DRC1: variants seen among roughly 807,000 people sequenced by gnomAD.
DRC1 encodes dynein regulatory complex subunit 1.
Under a neutral mutation model 98.7 loss-of-function variants are expected in DRC1, and 74 were observed. The observed-to-expected ratio is 0.75, with a 90% CI of 0.62 to 0.91. The LOEUF (loss-of-function observed/expected upper bound fraction) is 0.91, where lower values mean the gene tolerates loss of function less well. DRC1 is among the 40% of genes least tolerant of loss of function. DRC1 has a pLI of 0.00. For missense variants in DRC1, 875 were observed against 886.0 expected, an observed-to-expected ratio of 0.99 and a Z score of 0.16; for synonymous variants, 336 against 334.1, an observed-to-expected ratio of 1.01 and a Z score of -0.06.
chr2:26,445,303 A>G (rs969236993), intron 10 of DRC1, among the ~76,000 whole-genome samples: 1 of 152,184 alleles, frequency 6.6e-6, no homozygotes, highest in Non-Finnish European at 1.5e-5. Flanking sequence ...CAAAATGGTG[A>G]TATGTTAGAT....
chr2:26,455,871 C>G (rs1664148404), intron 16 of DRC1, among the ~76,000 whole-genome samples: 1 of 152,240 alleles, frequency 6.6e-6, no homozygotes. Flanking sequence ...ATTTCCTGCT[C>G]TGCGGGTGTG....
chr2:26,444,117 C>T, intron 8 of DRC1, 105 bp from the exon 9 acceptor site: 2 of 1,512,412 alleles, frequency 1.3e-6, no homozygotes, highest in Admixed American at 4.2e-5. Flanking sequence ...TGCTCTTCCA[C>T]AGATCTGCTC....
chr2:26,426,337 T>C (rs928049401), intron 4 of DRC1, among the ~76,000 whole-genome samples: 4 of 152,070 alleles, frequency 2.6e-5, no homozygotes, highest in Non-Finnish European at 5.9e-5. Flanking sequence ...CATTCTTTAA[T>C]TCCTGTTGCT....
At position 26,446,545 on chromosome 2, in the gene DRC1, A is replaced by G. The variant is rs572110414; in HGVS notation, c.1396+1597A>G. Among the ~76,000 whole-genome samples the G allele has an allele frequency of 2.6e-5, 4 of 152,228 alleles. No homozygotes were observed. The South Asian group carries it at 8.3e-4, about 32-fold the overall frequency. ...GAGTTCATTCTAATACCTCCTCATC[A>G]ACAGGATGCCAGGATTTTTATTTAA... On this transcript the variant is annotated intron_variant, in intron 10 of 16. Transcript: ENST00000288710.
intron 1 of DRC1, among the ~76,000 whole-genome samples, chr2:26,402,532 T>C (rs941358675): frequency 7.2e-5 from 11 of 152,160 alleles, no homozygotes; most frequent in African/African-American, 2.7e-4. Flanking sequence ...GTGGCCTGGG[T>C]CCTTTCTTGT....
chr2:26,453,429 A>G lies in DRC1; in HGVS notation c.1799A>G (p.Glu600Gly). The G allele has an allele frequency of 1.9e-6, 3 of 1,614,190 alleles. No homozygotes were observed. The South Asian group carries it at 3.3e-5, about 18-fold the overall frequency. Residue 600 changes from glutamate to glycine, a missense_variant, in exon 14 of 17, where the codon GAA becomes GGA. By Grantham distance (98) the Glu-to-Gly change is moderately conservative. Coordinates refer to ENST00000288710, the MANE Select transcript of DRC1 (RefSeq NM_145038.5). ...EQTEMEGEKE[E>G]SLVEGEKEEE... ...ACGGAGATGGAGGGAGAAAAGGAAG[A>G]AAGCCTGGTGGAAGGGGAGAAGGAG... is the stretch of plus-strand genomic sequence containing the variant.
chr2:26,438,070 C>T (rs12995390), intron 7 of DRC1, among the ~76,000 whole-genome samples: 59,459 of 128,730 alleles, frequency 0.46, 15,421 homozygotes, highest in Non-Finnish European at 0.6. Context: ...CCAGCCTGGG[C>T]GAGAAAGACT....
chr2:26,456,594 C>T lies in DRC1; in HGVS notation c.*77C>T. On this transcript the variant is annotated 3_prime_UTR_variant, in exon 17 of 17. Transcript: ENST00000288710. ...TGCCGGAGCCAGCTCATATCACCCACTGGGCCGCACCTGGGCCTGCTCTCT... is the reference window on the plus strand; with the variant it reads ...TGCCGGAGCCAGCTCATATCACCCATTGGGCCGCACCTGGGCCTGCTCTCT... The T allele has an allele frequency of 1.3e-6, 2 of 1,562,620 alleles. No individual in the cohort carries two copies. The highest frequency in any genetic ancestry group is 2.2e-5 in the South Asian group (2 of 89,368).
intron 11 of DRC1, 80 bp downstream of exon 11, chr2:26,448,883 C>T: frequency 6.8e-7 from 1 of 1,461,974 alleles, no homozygotes; most frequent in Non-Finnish European, 9.5e-7. Flanking sequence ...CAGTGCTAGC[C>T]TGGAGTCAGG....
At chr2:26,410,978 A>T (rs973133786) in intron 1 of DRC1, among the ~76,000 whole-genome samples, 1 of 152,212 alleles carries the variant, frequency 6.6e-6, no homozygotes, top group African/African-American at 2.4e-5. Context: ...CCAACCTAGA[A>T]CTCTAAACCC....
At chr2:26,410,811 GAAACAAAACAAAACACAACA>G (rs1013862379) in intron 1 of DRC1, among the ~76,000 whole-genome samples, 1 of 149,678 alleles carries the variant, frequency 6.7e-6, no homozygotes, top group Non-Finnish European at 1.5e-5. Context: ...CTTCCAGAGT[GAAACAAAACAAAACACAACA>G]AAACAAAACA....
chr2:26,444,832 A>G lies in DRC1; in HGVS notation c.1280A>G (p.His427Arg), dbSNP rs1251622098. 6.2e-7 allele frequency: 1 copy of G among 1,614,212 alleles called. No homozygotes were observed. Among genetic ancestry groups the G allele is most frequent in the Admixed American group, 1.7e-5 (1 of 60,028 alleles). Residue 427 changes from histidine (H) to arginine (R), a missense_variant, in exon 10 of 17, where the codon CAT becomes CGT. Coordinates refer to ENST00000288710, the MANE Select transcript of DRC1 (RefSeq NM_145038.5). ...FDVDRIIHTH[H>R]LGLPWAAPDF... is the part of the protein sequence containing the mutation. ...GTGGACAGGATCATCCACACCCATC[A>G]TCTGGGGCTTCCCTGGGCAGCACCT... is the stretch of plus-strand genomic sequence containing the variant.
intron 1 of DRC1, among the ~76,000 whole-genome samples, chr2:26,412,677 ACTT>A (rs754466311): frequency 7.2e-5 from 11 of 152,332 alleles, no homozygotes; most frequent in South Asian, 2.1e-4. Context: ...AGAAAATAGA[ACTT>A]CTCAGTAATT....
chr2:26,417,570 C>T (rs1014834542), intron 2 of DRC1, among the ~76,000 whole-genome samples: 2 of 152,196 alleles, frequency 1.3e-5, no homozygotes, highest in African/African-American at 4.8e-5. Flanking sequence ...CTCAGGTAAT[C>T]CTCCTGCCTC....
In DRC1 at chr2:26,440,364, T is replaced by C. The variant is rs1233922671; in HGVS notation, c.889-14T>C. The C allele has an allele frequency of 4.4e-6, 7 of 1,599,354 alleles. No homozygotes were observed. The highest frequency in any genetic ancestry group is 6.0e-6 in the Non-Finnish European group (7 of 1,174,124). ...GTGTGTGTATATATATATATATAGT[T>C]TTTTTAACTTTAGATTCTTGAGCAG... On this transcript the variant is annotated splice_polypyrimidine_tract_variant and intron_variant, in intron 7 of 16. Coordinates refer to ENST00000288710, the MANE Select transcript of DRC1 (RefSeq NM_145038.5).
At chr2:26,428,958 G>A (rs549921658) in intron 4 of DRC1, among the ~76,000 whole-genome samples, 1 of 152,306 alleles carries the variant, frequency 6.6e-6, no homozygotes, top group African/African-American at 2.4e-5. Flanking sequence ...TTAGTCTGCA[G>A]TAGATATGTT....
At chr2:26,445,696 G>C (rs1460720003) in intron 10 of DRC1, among the ~76,000 whole-genome samples, 1 of 152,042 alleles carries the variant, frequency 6.6e-6, no homozygotes, top group Non-Finnish European at 1.5e-5. Context: ...GTCTCGCTCT[G>C]TTGCCAGGCT....
intron 1 of DRC1, among the ~76,000 whole-genome samples, chr2:26,408,665 G>A (rs1678499695): frequency 6.6e-6 from 1 of 152,092 alleles, no homozygotes; most frequent in Non-Finnish European, 1.5e-5. Flanking sequence ...CAGCTACTTG[G>A]GAGGCTGAGG....
intron 6 of DRC1, among the ~76,000 whole-genome samples, chr2:26,431,246 G>A (rs981041161): frequency 1.3e-5 from 2 of 152,132 alleles, no homozygotes; most frequent in East Asian, 3.9e-4. Flanking sequence ...GAGCCTCCGC[G>A]CCCGGCCGCC....
Sources: gnomAD v4.1 joint callset for allele counts (sites outside exome capture counted in the v4.1 genomes callset) on GRCh38, gnomAD v4.1.1 for gene constraint, MANE v1.5 for transcripts, NCBI Gene and HGNC (gene_info 2026-07-23, HGNC 2026-07-21) for gene names.